Variants in DPY19L3 observed in about 807,000 individuals in gnomAD.
DPY19L3 encodes the protein protein C-mannosyl-transferase DPY19L3.
A neutral mutation model predicts 92.3 loss-of-function variants in DPY19L3; 51 were observed. The ratio of observed to expected loss-of-function variants is 0.55; its 90% CI spans 0.44 to 0.70. DPY19L3 has a LOEUF of 0.70. DPY19L3 is among the 30% of genes least tolerant of loss of function. The probability of loss-of-function intolerance (pLI) is 0.00; values close to 1 mark genes in which losing one functional copy is unlikely to be tolerated. For missense variants in DPY19L3, 706 were observed against 855.9 expected, an observed-to-expected ratio of 0.82 and a Z score of 2.18; for synonymous variants, 309 against 315.2, an observed-to-expected ratio of 0.98 and a Z score of 0.21.
At chr19:32,451,131 G>A (rs1969686195) in intron 8 of DPY19L3, among the ~76,000 whole-genome samples, 1 of 152,260 alleles carries the variant, frequency 6.6e-6, no homozygotes, top group African/African-American at 2.4e-5. Flanking sequence ...TTAATAAAAA[G>A]CCAGAAACAC....
chr19:32,416,203 A>C (rs1042209548), intron 3 of DPY19L3, among the ~76,000 whole-genome samples: 1 of 152,204 alleles, frequency 6.6e-6, no homozygotes, highest in Admixed American at 6.5e-5. Context: ...TAGGAAGTGG[A>C]CTTGGAAGGA....
chr19:32,449,538 G>A (rs1448592909), intron 8 of DPY19L3, among the ~76,000 whole-genome samples: 3 of 152,284 alleles, frequency 2.0e-5, no homozygotes, highest in South Asian at 2.1e-4. Context: ...CAAAGCTATA[G>A]TAATCAGGAC....
intron 17 of DPY19L3, among the ~76,000 whole-genome samples, chr19:32,478,677 C>A (rs1970584976): frequency 6.6e-6 from 1 of 152,202 alleles, no homozygotes; most frequent in African/African-American, 2.4e-5. Context: ...CATTCTGCTT[C>A]TTCGGCATTT....
At chr19:32,460,763 CTT>C (rs752406376) in intron 12 of DPY19L3, among the ~76,000 whole-genome samples, 1 of 152,216 alleles carries the variant, frequency 6.6e-6, no homozygotes, top group Non-Finnish European at 1.5e-5. Context: ...TGTGAATTAA[CTT>C]TTAAATAAGG....
At chr19:32,411,991 C>T (rs1453467947) in intron 3 of DPY19L3, 2 of 152,304 alleles carry the variant, frequency 1.3e-5, no homozygotes, top group African/African-American at 4.8e-5. Flanking sequence ...AGTATCCTGC[C>T]TAAGCTTCCT....
In DPY19L3 at chr19:32,482,297, C is replaced by A; in HGVS notation, c.*57C>A. The A allele has an allele frequency of 6.4e-7, 1 of 1,573,164 alleles. No individual in the cohort carries two copies. Among genetic ancestry groups the A allele is most frequent in the Non-Finnish European group, 8.6e-7 (1 of 1,159,796 alleles). On this transcript the variant is annotated 3_prime_UTR_variant, in exon 19 of 19. Transcript: ENST00000392250. ...ACGGAGAAACTGCATCATGATGAAACTCAATAGATGACGTTTCCTATGTAA... is the reference window on the plus strand; with the variant it reads ...ACGGAGAAACTGCATCATGATGAAAATCAATAGATGACGTTTCCTATGTAA...
chr19:32,442,206 A>G (rs191569951), intron 8 of DPY19L3, among the ~76,000 whole-genome samples: 54 of 152,354 alleles, frequency 3.5e-4, no homozygotes, highest in African/African-American at 1.3e-3. Context: ...TCTACAGTAC[A>G]TTTTGTCATC....
At chr19:32,442,749 A>G (rs1191862797) in intron 8 of DPY19L3, among the ~76,000 whole-genome samples, 1 of 152,218 alleles carries the variant, frequency 6.6e-6, no homozygotes, top group Non-Finnish European at 1.5e-5. Context: ...ACTTTCAAAC[A>G]TTAACTGCCT....
At chr19:32,433,186 A>T (rs953840268) in intron 4 of DPY19L3, among the ~76,000 whole-genome samples, 3 of 152,104 alleles carry the variant, frequency 2.0e-5, no homozygotes, top group Non-Finnish European at 2.9e-5. Flanking sequence ...CCAGTGCTCC[A>T]TTCATTCCTT....
chr19:32,426,014 T>C (rs563823761), intron 3 of DPY19L3, among the ~76,000 whole-genome samples: 2 of 152,346 alleles, frequency 1.3e-5, no homozygotes, highest in Non-Finnish European at 2.9e-5. Context: ...TTCATCTACA[T>C]TGAGTATCTG....
At chr19:32,460,926 T>C (rs1005091172) in intron 12 of DPY19L3, among the ~76,000 whole-genome samples, 2 of 151,998 alleles carry the variant, frequency 1.3e-5, no homozygotes, top group Non-Finnish European at 2.9e-5. Flanking sequence ...AGTGCAGTGG[T>C]GCAATCTCGG....
chr19:32,411,311 T>A lies in DPY19L3; in HGVS notation c.176T>A (p.Leu59His). 6.2e-7 allele frequency: 1 copy of A among 1,613,988 alleles called. No individual in the cohort carries two copies. Among genetic ancestry groups the A allele is most frequent in the East Asian group, 2.2e-5 (1 of 44,880 alleles). Residue 59 changes from leucine to histidine, a missense_variant, in exon 3 of 19, where the codon CTT (leucine) becomes CAT (histidine). Leu to His is a moderately conservative substitution (Grantham distance 99, BLOSUM62 -3). Transcript: ENST00000392250. ...IGGTIALCIGLLTSVYLATLH... is the reference protein window; with the variant it reads ...IGGTIALCIGHLTSVYLATLH... ...GGAACCATTGCCCTTTGCATTGGACTTCTTACATCTGTCTACCTTGCCACG... is the reference window on the plus strand; with the variant it reads ...GGAACCATTGCCCTTTGCATTGGACATCTTACATCTGTCTACCTTGCCACG...
chr19:32,442,849 C>T (rs1390592603), intron 8 of DPY19L3, among the ~76,000 whole-genome samples: 1 of 152,232 alleles, frequency 6.6e-6, no homozygotes, highest in East Asian at 1.9e-4. Flanking sequence ...TTCCTACCCT[C>T]ACCTAGCTGT....
Position 32,484,247 on chromosome 19 carries a change from A to G in DPY19L3, c.*2007A>G, listed in dbSNP as rs937660611. 6.6e-6 allele frequency: 1 copy of G among 152,630 alleles called. No individual in the cohort carries two copies. The highest frequency in any genetic ancestry group is 1.5e-5 in the Non-Finnish European group (1 of 68,044). 9.5% of individuals were successfully genotyped at this position (152,630 alleles called of 1,614,324 possible). On this transcript the variant is annotated 3_prime_UTR_variant, in exon 19 of 19. Coordinates refer to ENST00000392250, the MANE Select transcript of DPY19L3 (RefSeq NM_001172774.2). ...CCATACTTAACACTCTTTCCAAGAC[A>G]CTGTGACCATGTACAGTAGCTATTT...
At chr19:32,441,230 TAAAA>T (rs1969312907) in intron 8 of DPY19L3, among the ~76,000 whole-genome samples, 1 of 152,042 alleles carries the variant, frequency 6.6e-6, no homozygotes. Flanking sequence ...GCGGAAAAGA[TAAAA>T]AGAAATAAAA....
At chr19:32,424,159 A>C (rs1797173435) in intron 3 of DPY19L3, among the ~76,000 whole-genome samples, 1 of 151,890 alleles carries the variant, frequency 6.6e-6, no homozygotes, top group African/African-American at 2.4e-5. Flanking sequence ...TCTACAAAAA[A>C]TTTTTAAAAA....
At chr19:32,447,381 G>GA (rs1969533409) in intron 8 of DPY19L3, among the ~76,000 whole-genome samples, 2 of 152,236 alleles carry the variant, frequency 1.3e-5, no homozygotes, top group South Asian at 4.1e-4. Flanking sequence ...ATAAAGAGCA[G>GA]AAATCAATGC....
chr19:32,452,818 G>A (rs373688682), intron 8 of DPY19L3, among the ~76,000 whole-genome samples: 3 of 151,304 alleles, frequency 2.0e-5, no homozygotes, highest in Non-Finnish European at 2.9e-5. Context: ...CTCAGCCTCC[G>A]AAATAGCTGG....
In DPY19L3 at chr19:32,485,421, G is replaced by T. The variant is rs1970773430; in HGVS notation, c.*3181G>T. The T allele has an allele frequency of 6.6e-6, 1 of 152,148 alleles. No homozygotes were observed. Among genetic ancestry groups the T allele is most frequent in the African/African-American group, 2.4e-5 (1 of 41,408 alleles). The allele number at this position is 152,148 out of a possible 1,614,324, so 9.4% of individuals were successfully genotyped here. A position where few individuals can be genotyped will look rare whatever the true frequency, so the allele number is the denominator to read the frequency against. ...TGTGTGTGTGTGTGTGTTTCTGTGG[G>T]TGTGTGGTTTTGGTTGGGTGCTGCC... On this transcript the variant is annotated 3_prime_UTR_variant, in exon 19 of 19. Transcript: ENST00000392250.
Sources: gnomAD v4.1 joint callset for allele counts (sites outside exome capture counted in the v4.1 genomes callset) on GRCh38, gnomAD v4.1.1 for gene constraint, MANE v1.5 for transcripts, NCBI Gene and HGNC (gene_info 2026-07-23, HGNC 2026-07-21) for gene names.